ZFPM2: variants seen among roughly 807,000 people sequenced by gnomAD.
ZFPM2 encodes the protein zinc finger protein ZFPM2.
A neutral mutation model predicts 98.6 loss-of-function variants in ZFPM2; 20 were observed. The observed-to-expected ratio is 0.20, with a 90% CI of 0.14 to 0.29. The LOEUF (loss-of-function observed/expected upper bound fraction) is 0.29, where lower values mean the gene tolerates loss of function less well. ZFPM2 is among the 10% of genes least tolerant of loss of function. The pLI is 1.00. For missense variants in ZFPM2, 1,310 were observed against 1,388.6 expected (o/e 0.94, Z 0.90); for synonymous variants, 518 against 502.7 (o/e 1.03, Z -0.41).
intron 1 of ZFPM2, among the ~76,000 whole-genome samples, chr8:105,329,475 T>C (rs1374197430): frequency 6.6e-6 from 1 of 151,862 alleles, no homozygotes; most frequent in Non-Finnish European, 1.5e-5. Flanking sequence ...TGAGGGCATA[T>C]GCTCATTTCA....
At position 105,668,025 on chromosome 8, in the gene ZFPM2, C is replaced by T. The variant is rs114021213; in HGVS notation, c.532+33668C>T. On this transcript the variant is annotated intron_variant, in intron 5 of 7. Transcript: ENST00000407775. ...AATTTTTAAGCACGTAATGAGGCCC[C>T]GGGACCAAAAAGTCTGAGAATCACT... is the stretch of plus-strand genomic sequence containing the variant. Among the ~76,000 whole-genome samples, 596 of 152,260 alleles carry T rather than the reference C, an allele frequency of 3.9e-3. 2 individuals are homozygous for T. The highest frequency in any genetic ancestry group is 0.013 in the African/African-American group (541 of 41,558).
intron 5 of ZFPM2, among the ~76,000 whole-genome samples, chr8:105,655,743 A>G (rs1365788995): frequency 1.3e-5 from 2 of 152,180 alleles, no homozygotes; most frequent in Non-Finnish European, 1.5e-5. Context: ...TCCACCTACA[A>G]TCAGTACACA....
chr8:105,669,209 A>AC (rs1817542796), intron 5 of ZFPM2, among the ~76,000 whole-genome samples: 1 of 151,894 alleles, frequency 6.6e-6, no homozygotes, highest in Admixed American at 6.6e-5. Context: ...ACAATATTGG[A>AC]CTCCCCATGG....
intron 5 of ZFPM2, among the ~76,000 whole-genome samples, chr8:105,676,270 G>T (rs2130912867): frequency 6.6e-6 from 1 of 152,246 alleles, no homozygotes; most frequent in East Asian, 1.9e-4. Context: ...CAAGCTTTAA[G>T]AAGTGCTTTG....
At chr8:105,439,334 T>C (rs1812191050) in intron 2 of ZFPM2, among the ~76,000 whole-genome samples, 2 of 152,170 alleles carry the variant, frequency 1.3e-5, no homozygotes, top group African/African-American at 4.8e-5. Flanking sequence ...TTCATGGTTC[T>C]CTCCTCAACT....
intron 1 of ZFPM2, among the ~76,000 whole-genome samples, chr8:105,413,482 T>TTTTATATA (rs1227659350): frequency 1.4e-5 from 2 of 140,014 alleles, no homozygotes; most frequent in African/African-American, 5.3e-5. Context: ...AATTCAAACA[T>TTTTATATA]TATATATATA....
At chr8:105,476,504 A>G (rs1189729200) in intron 3 of ZFPM2, among the ~76,000 whole-genome samples, 1 of 152,066 alleles carries the variant, frequency 6.6e-6, no homozygotes, top group Non-Finnish European at 1.5e-5. Flanking sequence ...CGAAACCAGC[A>G]CGAAATTTGC....
chr8:105,429,048 G>A (rs1231596151), intron 2 of ZFPM2, among the ~76,000 whole-genome samples: 1 of 152,100 alleles, frequency 6.6e-6, no homozygotes, highest in Non-Finnish European at 1.5e-5. Flanking sequence ...AGAAAGGAAG[G>A]TCTCTTTAAG....
Position 105,380,354 on chromosome 8 carries a change from AT to A in ZFPM2, c.41-38784del, listed in dbSNP as rs879452439. 3.3e-3 allele frequency among the ~76,000 whole-genome samples: 505 copies of A among 151,126 alleles called. 2 individuals carry two copies. Among genetic ancestry groups the A allele is most frequent in the Admixed American group, 5.0e-3 (75 of 15,026 alleles). On this transcript the variant is annotated intron_variant, in intron 1 of 7. Transcript: ENST00000407775. Reference sequence around the variant, plus strand: ...TGATGACCCCACCCACTTTATGCTCATTTTTTATATGTTAAGAAAGAAAGAG... The same window carrying A: ...TGATGACCCCACCCACTTTATGCTCATTTTTATATGTTAAGAAAGAAAGAG...
At chr8:105,499,113 C>T (rs1284319876) in intron 3 of ZFPM2, among the ~76,000 whole-genome samples, 2 of 152,090 alleles carry the variant, frequency 1.3e-5, no homozygotes, top group Non-Finnish European at 2.9e-5. Context: ...CTTCCTCTCT[C>T]TGCTGGTGTT....
At chr8:105,511,587 T>C (rs1217268967) in intron 3 of ZFPM2, among the ~76,000 whole-genome samples, 2 of 152,236 alleles carry the variant, frequency 1.3e-5, no homozygotes. Context: ...CTTTCTGAAC[T>C]CATCACATTG....
intron 5 of ZFPM2, among the ~76,000 whole-genome samples, chr8:105,675,135 G>A (rs1400239749): frequency 1.3e-5 from 2 of 152,104 alleles, no homozygotes; most frequent in African/African-American, 2.4e-5. Flanking sequence ...AATATAGATT[G>A]GAAAATTCAT....
chr8:105,467,832 CTT>C (rs1812822841), intron 3 of ZFPM2, among the ~76,000 whole-genome samples: 1 of 151,992 alleles, frequency 6.6e-6, no homozygotes, highest in Non-Finnish European at 1.5e-5. Context: ...CTCCAAGTCT[CTT>C]TACTCTGGCC....
At chr8:105,703,374 G>A (rs778435029) in intron 5 of ZFPM2, among the ~76,000 whole-genome samples, 20 of 152,106 alleles carry the variant, frequency 1.3e-4, no homozygotes, top group African/African-American at 2.9e-4. Flanking sequence ...GAGAAAATCC[G>A]TATTAAGGAA....
intron 5 of ZFPM2, among the ~76,000 whole-genome samples, chr8:105,684,092 T>G (rs1012343243): frequency 6.6e-6 from 1 of 152,182 alleles, no homozygotes; most frequent in African/African-American, 2.4e-5. Flanking sequence ...ATTGATGCGC[T>G]TATTCCTCTT....
intron 5 of ZFPM2, among the ~76,000 whole-genome samples, chr8:105,707,185 T>A (rs1811283380): frequency 6.8e-6 from 1 of 146,334 alleles, no homozygotes; most frequent in Admixed American, 7.0e-5. Context: ...AAAAGTGCAG[T>A]AAGCTATGAT....
At position 105,484,476 on chromosome 8, in the gene ZFPM2, C is replaced by T. The variant is rs1387048623; in HGVS notation, c.301+40095C>T. Reference sequence around the variant, plus strand: ...TACCCTTATGGATGTTTTCATTAATCCTATTAAGTCATTAATAATTTTAAA... The same window carrying T: ...TACCCTTATGGATGTTTTCATTAATTCTATTAAGTCATTAATAATTTTAAA... On this transcript the variant is annotated intron_variant, in intron 3 of 7. Coordinates refer to ENST00000407775, the MANE Select transcript of ZFPM2 (RefSeq NM_012082.4). 1.4e-4 allele frequency among the ~76,000 whole-genome samples: 22 copies of T among 151,966 alleles called. 1 individual carries two copies. Among genetic ancestry groups the T allele is most frequent in the Admixed American group, 1.4e-3 (21 of 15,250 alleles).
intron 1 of ZFPM2, among the ~76,000 whole-genome samples, chr8:105,410,707 T>A (rs1452654513): frequency 6.6e-6 from 1 of 151,950 alleles, no homozygotes; most frequent in Non-Finnish European, 1.5e-5. Context: ...TGCTTTGAAA[T>A]TTCTAAAGAA....
At chr8:105,661,877 C>A (rs1277948997) in intron 5 of ZFPM2, among the ~76,000 whole-genome samples, 1 of 152,148 alleles carries the variant, frequency 6.6e-6, no homozygotes, top group Non-Finnish European at 1.5e-5. Context: ...GAGTTTTACA[C>A]AACCCAGTTG....
Sources: gnomAD v4.1 joint callset for allele counts (sites outside exome capture counted in the v4.1 genomes callset) on GRCh38, gnomAD v4.1.1 for gene constraint, MANE v1.5 for transcripts, NCBI Gene and HGNC (gene_info 2026-07-23, HGNC 2026-07-21) for gene names.